The following ZNF516 variants were observed in gnomAD, a reference collection of about 807,000 sequenced individuals.
The protein encoded by ZNF516 is zinc finger protein 516.
A neutral mutation model predicts 79.7 loss-of-function variants in ZNF516; 19 were observed. The ratio of observed to expected loss-of-function variants is 0.24; its 90% CI spans 0.17 to 0.35. The LOEUF (loss-of-function observed/expected upper bound fraction) is 0.35, where lower values mean the gene tolerates loss of function less well. Among genes scored for constraint, ZNF516 ranks in the 10% least tolerant of loss-of-function variants. The pLI, the probability that ZNF516 is intolerant of heterozygous loss-of-function variation, is 1.00. For synonymous variants in ZNF516, 877 were observed against 739.5 expected (o/e 1.19, Z -3.02); for missense variants, 1,678 against 1,679.5 (o/e 1.00, Z 0.02).
intron 1 of ZNF516, among the ~76,000 whole-genome samples, chr18:76,483,081 T>A (rs931950671): frequency 6.6e-6 from 1 of 152,216 alleles, no homozygotes; most frequent in Admixed American, 6.5e-5. Flanking sequence ...CTACGTTTGC[T>A]CATGTTGAGA....
chr18:76,435,876 G>A (rs1176676660), intron 3 of ZNF516, among the ~76,000 whole-genome samples: 1 of 152,326 alleles, frequency 6.6e-6, no homozygotes, highest in East Asian at 1.9e-4. Flanking sequence ...TCCCACTCTG[G>A]TTTTGTTCTC....
intron 1 of ZNF516, among the ~76,000 whole-genome samples, chr18:76,474,673 A>T (rs1014086775): frequency 1.3e-5 from 2 of 152,206 alleles, no homozygotes; most frequent in African/African-American, 4.8e-5. Flanking sequence ...AGTAACAATA[A>T]ATAAGAAAAA....
chr18:76,491,151 C>A (rs1464787516), intron 1 of ZNF516: 25 of 957,376 alleles, frequency 2.6e-5, no homozygotes, highest in Non-Finnish European at 3.1e-5. Context: ...AAATAGAAAC[C>A]AATTACCTGG....
At chr18:76,461,332 A>G (rs1214905765) in intron 2 of ZNF516, among the ~76,000 whole-genome samples, 2 of 152,214 alleles carry the variant, frequency 1.3e-5, no homozygotes, top group Non-Finnish European at 2.9e-5. Flanking sequence ...ACCGATCACC[A>G]TGGCCGCAAC....
At position 76,360,820 on chromosome 18, in the gene ZNF516, A is replaced by T. The variant is rs547051837; in HGVS notation, c.*1678T>A. ...AATAATAATAATAATAATAATAATAATATAATAATATTCAACAAATCATTA... is the reference window on the plus strand; with the variant it reads ...AATAATAATAATAATAATAATAATATTATAATAATATTCAACAAATCATTA... On this transcript the variant is annotated 3_prime_UTR_variant, in exon 7 of 7. Transcript: ENST00000443185. 2.8e-5 allele frequency: 4 copies of T among 143,560 alleles called. No homozygotes were observed. The highest frequency in any genetic ancestry group is 4.5e-5 in the Non-Finnish European group (3 of 66,970). The allele number at this position is 143,560 out of a possible 1,614,324, so 8.9% of individuals were successfully genotyped here.
chr18:76,374,778 C>T (rs550792961), intron 4 of ZNF516, among the ~76,000 whole-genome samples: 16 of 152,340 alleles, frequency 1.1e-4, no homozygotes, highest in African/African-American at 3.6e-4. Context: ...TCAATGACCA[C>T]TCACAGGGAA....
chr18:76,441,743 C>T lies in ZNF516; in HGVS notation c.1312G>A (p.Ala438Thr), dbSNP rs200736941. ...AEPAEYLKYG[A>T]WDEALAGDVA... ...TCCCCGGCCAGCGCCTCGTCCCAGG[C>T]CCCGTACTTGAGGTACTCGGCCGGC... is the stretch of plus-strand genomic sequence containing the variant. The change falls in exon 3 of 7, where the codon GCC becomes ACC. Residue 438 changes from alanine (A) to threonine (T), a missense_variant. Transcript: ENST00000443185. 5.7e-6 allele frequency: 9 copies of T among 1,572,764 alleles called. No homozygotes were observed. Among genetic ancestry groups the T allele is most frequent in the African/African-American group, 5.4e-5 (4 of 74,090 alleles).
At position 76,379,063 on chromosome 18, in the gene ZNF516, A is replaced by G; in HGVS notation, c.3051T>C (p.Ala1017=). 6.2e-7 allele frequency: 1 copy of G among 1,610,702 alleles called. No homozygotes were observed. The highest frequency in any genetic ancestry group is 8.5e-7 in the Non-Finnish European group (1 of 1,179,544). Residue 1017 remains alanine (A), a synonymous_variant, in exon 4 of 7, where the codon GCT becomes GCC. Transcript: ENST00000443185. ...AQELRTLATC[A]AGSRGDAALQ... is the part of the protein sequence containing the mutation. Reference sequence around the variant, plus strand: ...AGGCCGCGTCGCCCCTGGACCCCGCAGCACAGGTGGCCAGAGTCCTCAGCT... The same window carrying G: ...AGGCCGCGTCGCCCCTGGACCCCGCGGCACAGGTGGCCAGAGTCCTCAGCT...
chr18:76,426,691 C>T (rs953447136), intron 3 of ZNF516, among the ~76,000 whole-genome samples: 1 of 152,086 alleles, frequency 6.6e-6, no homozygotes, highest in African/African-American at 2.4e-5. Flanking sequence ...GTGTAAAGGC[C>T]GATGTCAACA....
intron 6 of ZNF516, among the ~76,000 whole-genome samples, chr18:76,367,002 A>G (rs2074622719): frequency 6.6e-6 from 1 of 152,140 alleles, no homozygotes; most frequent in South Asian, 2.1e-4. Context: ...CTCTGCCAGG[A>G]TCTCTCCTCT....
chr18:76,407,666 T>C (rs925295154), intron 3 of ZNF516, among the ~76,000 whole-genome samples: 2 of 152,216 alleles, frequency 1.3e-5, no homozygotes, highest in Non-Finnish European at 2.9e-5. Flanking sequence ...TCCTTTCTGA[T>C]GGTAAAACAT....
intron 3 of ZNF516, among the ~76,000 whole-genome samples, chr18:76,382,240 A>G (rs1232787978): frequency 6.6e-6 from 1 of 152,180 alleles, no homozygotes; most frequent in Non-Finnish European, 1.5e-5. Flanking sequence ...GAGAAAGGAG[A>G]CTGGGCAGTG....
chr18:76,491,625 GC>G (rs1915228566), intron 1 of ZNF516: 1 of 406,318 alleles, frequency 2.5e-6, no homozygotes, highest in Non-Finnish European at 3.1e-6. Flanking sequence ...TTCCCGCCCC[GC>G]CCACGGCCCT....
chr18:76,410,488 G>A (rs1011923712), intron 3 of ZNF516, among the ~76,000 whole-genome samples: 4 of 152,160 alleles, frequency 2.6e-5, no homozygotes, highest in African/African-American at 9.7e-5. Flanking sequence ...AACAGGTCCC[G>A]AAGCTCGCGC....
At chr18:76,440,086 G>A (rs1168131718) in intron 3 of ZNF516, among the ~76,000 whole-genome samples, 2 of 152,198 alleles carry the variant, frequency 1.3e-5, no homozygotes. Flanking sequence ...ATTTATCTAT[G>A]TATACACTCA....
chr18:76,441,801 G>T lies in ZNF516; in HGVS notation c.1254C>A (p.Ala418=). ...CCTTACCCCGCGTGGCCAGCTGCCA[G>T]GCCTGGTAGCTGTTGACCGGGTCCA... The part of the protein sequence containing the change: ...AELDPVNSYQ[A]WQLATRGKVA... The change falls in exon 3 of 7, where the codon GCC becomes GCA. Residue 418 remains alanine (A), a synonymous_variant. Coordinates refer to ENST00000443185, the MANE Select transcript of ZNF516 (RefSeq NM_014643.4). 6.4e-7 allele frequency: 1 copy of T among 1,561,380 alleles called. No homozygotes were observed. The highest frequency in any genetic ancestry group is 8.6e-7 in the Non-Finnish European group (1 of 1,160,318).
At chr18:76,486,553 ACAC>A (rs537648757) in intron 1 of ZNF516, among the ~76,000 whole-genome samples, 2 of 152,154 alleles carry the variant, frequency 1.3e-5, no homozygotes, top group Non-Finnish European at 1.5e-5. Flanking sequence ...CTGAAAACTA[ACAC>A]CACATCTTCC....
chr18:76,467,483 C>G lies in ZNF516; in HGVS notation c.-271-4342G>C, dbSNP rs1188636391. On this transcript the variant is annotated intron_variant, in intron 1 of 6. Transcript: ENST00000443185. This position sits in a 1 kb window ranked among gnomAD's most constrained non-coding sequence, Gnocchi z 4.2. ...CGCCCTAACTAGATATTAAGCACACCTCGGGGGCAGTGCTGGAATTACAGC... is the reference window on the plus strand; with the variant it reads ...CGCCCTAACTAGATATTAAGCACACGTCGGGGGCAGTGCTGGAATTACAGC... Among the ~76,000 whole-genome samples the G allele has an allele frequency of 1.3e-5, 2 of 152,168 alleles. No homozygotes were observed. The highest frequency in any genetic ancestry group is 2.9e-5 in the Non-Finnish European group (2 of 68,022).
chr18:76,363,235 G>A (rs145239406), intron 6 of ZNF516, among the ~76,000 whole-genome samples: 1 of 152,234 alleles, frequency 6.6e-6, no homozygotes, highest in Non-Finnish European at 1.5e-5. Context: ...GACAGAAACA[G>A]TATGGCCAGA....
Sources: allele counts gnomAD v4.1 joint callset (sites outside exome capture counted in the v4.1 genomes callset), GRCh38; gene constraint gnomAD v4.1.1; non-coding constraint Gnocchi (gnomAD v3.1); transcripts MANE v1.5; gene names NCBI Gene and HGNC (gene_info 2026-07-23, HGNC 2026-07-21).